The following ZBTB44 variants were observed in gnomAD, a reference collection of about 807,000 sequenced individuals.
The protein encoded by ZBTB44 is zinc finger and BTB domain containing 44.
ZBTB44 carries 15 observed loss-of-function variants against 54.0 expected under a neutral mutation model. That is an observed-to-expected ratio of 0.28 (90% confidence interval 0.19 to 0.43). ZBTB44 has a LOEUF of 0.43. Among genes scored for constraint, ZBTB44 ranks in the 20% least tolerant of loss-of-function variants. ZBTB44 has a pLI of 1.00. For synonymous variants in ZBTB44, 230 were observed against 250.1 expected (o/e 0.92, Z 0.76); for missense variants, 487 against 707.1 (o/e 0.69, Z 3.53).
intron 1 of ZBTB44, among the ~76,000 whole-genome samples, chr11:130,282,096 T>C (rs577039093): frequency 8.5e-5 from 13 of 152,288 alleles, no homozygotes; most frequent in African/African-American, 3.1e-4. Context: ...GCCTACATCA[T>C]CTAAGTTACT....
intron 1 of ZBTB44, among the ~76,000 whole-genome samples, chr11:130,301,947 G>T (rs1244797741): frequency 6.6e-6 from 1 of 151,518 alleles, no homozygotes; most frequent in African/African-American, 2.4e-5. Context: ...GGAGGCTAAG[G>T]TGGGAGGATC....
intron 1 of ZBTB44, among the ~76,000 whole-genome samples, chr11:130,312,411 C>G (rs1942663302): frequency 6.6e-6 from 1 of 152,178 alleles, no homozygotes; most frequent in Non-Finnish European, 1.5e-5. Flanking sequence ...TATTATGCAA[C>G]AGGAGGTACA....
chr11:130,309,829 T>G (rs1942485504), intron 1 of ZBTB44, among the ~76,000 whole-genome samples: 2 of 143,182 alleles, frequency 1.4e-5, no homozygotes. Flanking sequence ...GGGGCAGAGG[T>G]GGATTGCAGT....
intron 1 of ZBTB44, among the ~76,000 whole-genome samples, chr11:130,299,504 G>A (rs1418243933): frequency 6.6e-6 from 1 of 150,576 alleles, no homozygotes; most frequent in East Asian, 2.0e-4. Flanking sequence ...AGTGAGCCGA[G>A]ACCGTGCCAT....
At chr11:130,255,601 T>A (rs1175453601) in intron 2 of ZBTB44, among the ~76,000 whole-genome samples, 1 of 152,022 alleles carries the variant, frequency 6.6e-6, no homozygotes, top group African/African-American at 2.4e-5. Flanking sequence ...AAAAAACTAA[T>A]GAATCCAGGA....
chr11:130,252,435 A>C (rs1938090648), intron 2 of ZBTB44, among the ~76,000 whole-genome samples: 1 of 152,238 alleles, frequency 6.6e-6, no homozygotes, highest in South Asian at 2.1e-4. Context: ...CCTAATAGAC[A>C]GCTATAGAAC....
chr11:130,233,069 G>A (rs1205344138), intron 7 of ZBTB44: 4 of 423,026 alleles, frequency 9.5e-6, no homozygotes, highest in Non-Finnish European at 1.7e-5. Flanking sequence ...GTCCAAAAGA[G>A]CACAATGAAA....
intron 1 of ZBTB44, among the ~76,000 whole-genome samples, chr11:130,279,129 G>A (rs927388200): frequency 2.0e-5 from 3 of 151,698 alleles, no homozygotes; most frequent in Admixed American, 6.6e-5. Context: ...GTGACTAGCC[G>A]AATTATTTTA....
rs1953978878 is a variant in ZBTB44 at position 130,233,639 on chromosome 11, T to C, written c.1687-257A>G. 4 of 1,261,532 alleles carry C rather than the reference T, an allele frequency of 3.2e-6. No homozygotes were observed. The South Asian group carries it at 6.5e-5, about 20-fold the overall frequency. The allele number at this position is 1,261,532 out of a possible 1,614,324, so 78.1% of individuals were successfully genotyped here. A position where few individuals can be genotyped will look rare whatever the true frequency, so the allele number is the denominator to read the frequency against. ...AGTAATTAGTTTCTCATGTACCCTC[T>C]TGTCTCAAGAAGGTCAATAATCATC... On this transcript the variant is annotated intron_variant, in intron 6 of 7. Transcript: ENST00000357899.
intron 1 of ZBTB44, among the ~76,000 whole-genome samples, chr11:130,281,554 A>AATAAAT (rs1940511072): frequency 6.7e-6 from 1 of 148,542 alleles, no homozygotes; most frequent in Admixed American, 6.7e-5. Context: ...TAAATAAATA[A>AATAAAT]ATAAATAAAT....
chr11:130,241,699 A>C (rs1239911143), intron 2 of ZBTB44, among the ~76,000 whole-genome samples: 4 of 152,002 alleles, frequency 2.6e-5, no homozygotes, highest in African/African-American at 9.7e-5. Flanking sequence ...ACAAAGTTTA[A>C]CATTTTAATT....
chr11:130,266,117 A>T (rs1939231881), intron 1 of ZBTB44, among the ~76,000 whole-genome samples: 3 of 152,356 alleles, frequency 2.0e-5, no homozygotes, highest in Admixed American at 6.5e-5. Flanking sequence ...CGGCTAATGC[A>T]GCTGGTGACT....
intron 2 of ZBTB44, among the ~76,000 whole-genome samples, chr11:130,250,242 G>A (rs1173386836): frequency 6.6e-6 from 1 of 152,184 alleles, no homozygotes; most frequent in Non-Finnish European, 1.5e-5. Context: ...GGGCATCTCT[G>A]AAAGAAAGAC....
chr11:130,312,789 T>G (rs899651147), intron 1 of ZBTB44, among the ~76,000 whole-genome samples: 1 of 152,176 alleles, frequency 6.6e-6, no homozygotes, highest in Non-Finnish European at 1.5e-5. Context: ...TTGGAACAAC[T>G]GAGGAATTTT....
At chr11:130,302,912 T>C (rs551869073) in intron 1 of ZBTB44, among the ~76,000 whole-genome samples, 22 of 152,170 alleles carry the variant, frequency 1.4e-4, no homozygotes, top group African/African-American at 4.8e-4. Context: ...AAAGTGCAGG[T>C]TGCAGGGAGC....
chr11:130,266,345 C>G (rs1591988086), intron 1 of ZBTB44, among the ~76,000 whole-genome samples: 2 of 152,296 alleles, frequency 1.3e-5, no homozygotes, highest in African/African-American at 4.8e-5. Context: ...AACAGTGCAT[C>G]TGGTCATCGA....
At chr11:130,245,777 C>G (rs981418681) in intron 2 of ZBTB44, among the ~76,000 whole-genome samples, 4 of 152,202 alleles carry the variant, frequency 2.6e-5, no homozygotes, top group African/African-American at 9.7e-5. Context: ...GCAGGCCATA[C>G]TCTTTCGAGG....
Position 130,294,756 on chromosome 11 carries a change from A to T in ZBTB44, c.-57+19619T>A, listed in dbSNP as rs537597610. On this transcript the variant is annotated intron_variant, in intron 1 of 7. Coordinates refer to ENST00000357899, the MANE Select transcript of ZBTB44 (RefSeq NM_001301098.2). ...AATGGAACGGTAGGCAAAACAGGTTAATCAGAGTACTTAAGGGATATCTGC... is the reference window on the plus strand; with the variant it reads ...AATGGAACGGTAGGCAAAACAGGTTTATCAGAGTACTTAAGGGATATCTGC... 7.2e-5 allele frequency among the ~76,000 whole-genome samples: 11 copies of T among 152,260 alleles called. No individual in the cohort carries two copies. The East Asian group carries it at 2.1e-3, about 29-fold the overall frequency.
intron 3 of ZBTB44, 186 bp from the exon 4 acceptor site, chr11:130,238,793 G>T (rs542128938): frequency 2.5e-4 from 126 of 498,530 alleles, no homozygotes; most frequent in South Asian, 1.1e-3. Context: ...AATGCCTTTT[G>T]TTTTTTTTTT....
Sources: gnomAD v4.1 joint callset for allele counts (sites outside exome capture counted in the v4.1 genomes callset) on GRCh38, gnomAD v4.1.1 for gene constraint, MANE v1.5 for transcripts, NCBI Gene and HGNC (gene_info 2026-07-23, HGNC 2026-07-21) for gene names.